Variants in GLRA3 observed in about 807,000 individuals in gnomAD.
The protein encoded by GLRA3 is glycine receptor alpha 3, also known as glycine receptor subunit alpha-3.
GLRA3 carries 44 observed loss-of-function variants against 60.4 expected under a neutral mutation model. The ratio of observed to expected loss-of-function variants is 0.73; its 90% CI spans 0.57 to 0.94. GLRA3 has a LOEUF of 0.94. GLRA3 is among the 40% of genes least tolerant of loss of function. GLRA3 has a pLI of 0.00. For synonymous variants in GLRA3, 223 were observed against 192.9 expected, an observed-to-expected ratio of 1.16 and a Z score of -1.29; for missense variants, 508 against 564.6, an observed-to-expected ratio of 0.90 and a Z score of 1.02.
At chr4:174,796,661 C>G (rs1739583427) in intron 1 of GLRA3, among the ~76,000 whole-genome samples, 1 of 151,950 alleles carries the variant, frequency 6.6e-6, no homozygotes, top group South Asian at 2.1e-4. Context: ...CTCAGCCCCC[C>G]GAGTAGCTGG....
At chr4:174,740,802 C>T (rs1561088901) in intron 3 of GLRA3, among the ~76,000 whole-genome samples, 1 of 152,082 alleles carries the variant, frequency 6.6e-6, no homozygotes, top group Non-Finnish European at 1.5e-5. Context: ...CCAGTGATGC[C>T]TTCTTCATCC....
intron 5 of GLRA3, among the ~76,000 whole-genome samples, chr4:174,689,912 A>C (rs935380345): frequency 6.6e-6 from 1 of 152,234 alleles, no homozygotes; most frequent in Non-Finnish European, 1.5e-5. Context: ...CAGGAGTTGC[A>C]ATCCTAGTTT....
At chr4:174,735,459 T>C (rs1010586902) in intron 3 of GLRA3, among the ~76,000 whole-genome samples, 1 of 152,232 alleles carries the variant, frequency 6.6e-6, no homozygotes, top group African/African-American at 2.4e-5. Flanking sequence ...CAGAATATTG[T>C]CTCTGGATTG....
At chr4:174,652,201 A>G (rs1268171475) in intron 9 of GLRA3, among the ~76,000 whole-genome samples, 2 of 152,162 alleles carry the variant, frequency 1.3e-5, no homozygotes, top group Non-Finnish European at 2.9e-5. Flanking sequence ...GTGCAGTGAT[A>G]TTCCTTATTA....
chr4:174,770,691 T>C (rs1423999494), intron 2 of GLRA3, among the ~76,000 whole-genome samples: 2 of 152,058 alleles, frequency 1.3e-5, no homozygotes, highest in Non-Finnish European at 2.9e-5. Context: ...AAGAACCTTA[T>C]AAAAGACCTG....
intron 7 of GLRA3, among the ~76,000 whole-genome samples, chr4:174,664,956 T>G (rs962658699): frequency 6.6e-6 from 1 of 152,098 alleles, no homozygotes; most frequent in African/African-American, 2.4e-5. Flanking sequence ...GAGCTTATAC[T>G]CAAGTTAGAA....
intron 3 of GLRA3, among the ~76,000 whole-genome samples, chr4:174,735,193 A>ACTTCACTC (rs1304052269): frequency 6.6e-6 from 1 of 152,124 alleles, no homozygotes; most frequent in Non-Finnish European, 1.5e-5. Context: ...CTAGATAACC[A>ACTTCACTC]GGTGGACTTC....
At position 174,734,315 on chromosome 4, in the gene GLRA3, TG is replaced by T. The variant is rs1270672531; in HGVS notation, c.268-5618del. Among the ~76,000 whole-genome samples, 3 of 152,294 alleles carry T rather than the reference TG, an allele frequency of 2.0e-5. No individual in the cohort carries two copies. The East Asian group carries it at 5.8e-4, about 29-fold the overall frequency. ...GGAAGCACAGAATACCGACACCCAA[TG>T]GTGCAATAATTGCTTCTAACATCAT... On this transcript the variant is annotated intron_variant, in intron 3 of 9. Transcript: ENST00000274093.
At chr4:174,780,131 A>C (rs1738804632) in intron 2 of GLRA3, among the ~76,000 whole-genome samples, 1 of 149,744 alleles carries the variant, frequency 6.7e-6, no homozygotes, top group Admixed American at 6.7e-5. Flanking sequence ...GAAACCCTAC[A>C]AGCCAGAAGA....
intron 3 of GLRA3, among the ~76,000 whole-genome samples, chr4:174,751,065 A>G (rs192660513): frequency 2.4e-5 from 3 of 123,240 alleles, no homozygotes; most frequent in South Asian, 2.4e-4. Context: ...CTGTCTGTCT[A>G]TCTATCTATC....
intron 3 of GLRA3, among the ~76,000 whole-genome samples, chr4:174,736,765 G>T (rs968324696): frequency 6.6e-6 from 1 of 152,022 alleles, no homozygotes; most frequent in Non-Finnish European, 1.5e-5. Flanking sequence ...TATACACAAT[G>T]ATGTATATGT....
At chr4:174,741,367 C>T (rs1443497671) in intron 3 of GLRA3, among the ~76,000 whole-genome samples, 1 of 152,128 alleles carries the variant, frequency 6.6e-6, no homozygotes, top group Non-Finnish European at 1.5e-5. Flanking sequence ...TACCTATTTG[C>T]AATGCGTATA....
chr4:174,712,627 T>A (rs1054756150), intron 5 of GLRA3: 9 of 152,116 alleles, frequency 5.9e-5, no homozygotes, highest in African/African-American at 1.9e-4. Context: ...ACTTCCCACG[T>A]CTTAATATTA....
chr4:174,736,672 G>C (rs1287088681), intron 3 of GLRA3, among the ~76,000 whole-genome samples: 1 of 152,110 alleles, frequency 6.6e-6, no homozygotes, highest in Non-Finnish European at 1.5e-5. Context: ...GAAGTGTGAA[G>C]GGCCTTTTTG....
chr4:174,686,314 C>T (rs1734551354), intron 5 of GLRA3, among the ~76,000 whole-genome samples: 1 of 152,152 alleles, frequency 6.6e-6, no homozygotes, highest in African/African-American at 2.4e-5. Context: ...TTTTGGTTGG[C>T]AGATCTTTAT....
intron 9 of GLRA3, among the ~76,000 whole-genome samples, chr4:174,649,832 T>C (rs976761462): frequency 1.4e-4 from 21 of 151,852 alleles, no homozygotes; most frequent in South Asian, 2.1e-4. Flanking sequence ...TTTAGTCTCA[T>C]TGGTAAAAAA....
rs145815827 is a variant in GLRA3, at chr4:174,764,513, G to A, written c.267+2450C>T. Among the ~76,000 whole-genome samples the A allele has an allele frequency of 1.3e-4, 20 of 149,690 alleles. No individual in the cohort carries two copies. The East Asian group carries it at 3.6e-3, about 27-fold the overall frequency. On this transcript the variant is annotated intron_variant, in intron 3 of 9. Coordinates refer to ENST00000274093, the MANE Select transcript of GLRA3 (RefSeq NM_006529.4). ...CTGCCTTAGTTGAATTCAATTATTC[G>A]TATTATAAGAACAGAAGTCAGCCTG...
At chr4:174,701,599 T>C (rs2111049631) in intron 5 of GLRA3, among the ~76,000 whole-genome samples, 1 of 152,336 alleles carries the variant, frequency 6.6e-6, no homozygotes, top group Admixed American at 6.5e-5. Flanking sequence ...ATTCCTCTTA[T>C]GGATCTGGGC....
chr4:174,807,032 A>G (rs963120268), intron 1 of GLRA3, among the ~76,000 whole-genome samples: 10 of 152,088 alleles, frequency 6.6e-5, no homozygotes, highest in African/African-American at 2.4e-4. Flanking sequence ...TGTTCTCAGA[A>G]GAAAATAGCC....
Sources: allele counts gnomAD v4.1 joint callset (sites outside exome capture counted in the v4.1 genomes callset), GRCh38; gene constraint gnomAD v4.1.1; transcripts MANE v1.5; gene names NCBI Gene and HGNC (gene_info 2026-07-23, HGNC 2026-07-21).